CUX1: variants seen among roughly 807,000 people sequenced by gnomAD.
The protein encoded by CUX1 is cut like homeobox 1.
In CUX1, 31 loss-of-function variants were observed where a neutral mutation model predicts 158.8. The observed-to-expected ratio is 0.20, with a 90% CI of 0.15 to 0.26. The LOEUF is 0.26. Ranked by LOEUF, CUX1 falls within the 10% of genes least tolerant of loss-of-function variation. The probability of loss-of-function intolerance (pLI) is 1.00; values close to 1 mark genes in which losing one functional copy is unlikely to be tolerated. For missense variants in CUX1, 1,589 were observed against 2,014.6 expected, an observed-to-expected ratio of 0.79 and a Z score of 4.04; for synonymous variants, 879 against 862.1, an observed-to-expected ratio of 1.02 and a Z score of -0.34.
chr7:101,949,248 C>T (rs1436682695), intron 2 of CUX1, among the ~76,000 whole-genome samples: 7 of 151,960 alleles, frequency 4.6e-5, no homozygotes, highest in African/African-American at 1.7e-4. Flanking sequence ...TCTCCTGCCT[C>T]AGCCTCCCGA....
At chr7:102,012,633 T>A (rs921814784) in intron 2 of CUX1, among the ~76,000 whole-genome samples, 2 of 151,006 alleles carry the variant, frequency 1.3e-5, no homozygotes, top group African/African-American at 4.9e-5. Context: ...CCCAGGGTCA[T>A]GAAGAGATGG....
chr7:102,175,053 G>A (rs571061445), intron 10 of CUX1, among the ~76,000 whole-genome samples: 2 of 152,376 alleles, frequency 1.3e-5, no homozygotes, highest in African/African-American at 4.8e-5. Flanking sequence ...TTTAGTTCGT[G>A]CGAGACAGCG....
chr7:102,139,947 G>A (rs1362628427), intron 8 of CUX1, among the ~76,000 whole-genome samples: 1 of 152,052 alleles, frequency 6.6e-6, no homozygotes, highest in Non-Finnish European at 1.5e-5. Flanking sequence ...GGAATGACAG[G>A]TCTAAGCCAC....
At chr7:102,216,113 G>A (rs1554524463) in intron 20 of CUX1, among the ~76,000 whole-genome samples, 1 of 152,182 alleles carries the variant, frequency 6.6e-6, no homozygotes, top group Non-Finnish European at 1.5e-5. Context: ...AGACCAGCCT[G>A]GACAACATGG....
At chr7:101,903,383 G>A (rs1584933278) in intron 1 of CUX1, among the ~76,000 whole-genome samples, 1 of 152,308 alleles carries the variant, frequency 6.6e-6, no homozygotes, top group East Asian at 1.9e-4. Context: ...GGGGGAATTA[G>A]GGTCCTTTGG....
intron 14 of CUX1, among the ~76,000 whole-genome samples, chr7:102,271,459 G>A (rs1267377561): frequency 6.6e-6 from 1 of 152,144 alleles, no homozygotes; most frequent in African/African-American, 2.4e-5. Context: ...ATGTGTGGCC[G>A]GCTCTGCCAT....
chr7:101,997,982 G>A (rs1263926128), intron 2 of CUX1, among the ~76,000 whole-genome samples: 2 of 152,196 alleles, frequency 1.3e-5, no homozygotes, highest in African/African-American at 2.4e-5. Flanking sequence ...ACCAGAGAAC[G>A]AACTCCCCAA....
intron 3 of CUX1, among the ~76,000 whole-genome samples, chr7:102,052,639 GTCTT>G (rs1462814492): frequency 6.6e-6 from 1 of 152,096 alleles, no homozygotes; most frequent in African/African-American, 2.4e-5. Context: ...AAACACTTTT[GTCTT>G]TCTTGCCTAC....
chr7:102,254,404 CA>C lies in CUX1; in HGVS notation c.*5365del. On this transcript the variant is annotated 3_prime_UTR_variant, in exon 24 of 24. Coordinates refer to ENST00000292535, the MANE Select transcript of CUX1 (RefSeq NM_181552.4). ...ACTCCTTTGCAAACATCAAACATCT[CA>C]AAGACGGAAAAGGATAGATGGCTTC... is the stretch of plus-strand genomic sequence containing the variant. 1.0e-6 allele frequency: 1 copy of C among 985,494 alleles called. No homozygotes were observed. Among genetic ancestry groups the C allele is most frequent in the Non-Finnish European group, 1.2e-6 (1 of 829,988 alleles). The allele number at this position is 985,494 out of a possible 1,614,324, so 61.0% of individuals were successfully genotyped here. A position where few individuals can be genotyped will look rare whatever the true frequency, so the allele number is the denominator to read the frequency against.
intron 14 of CUX1, among the ~76,000 whole-genome samples, chr7:102,270,072 T>C (rs1791103998): frequency 6.6e-6 from 1 of 152,212 alleles, no homozygotes. Flanking sequence ...TCCTTCTGTG[T>C]CCTCGCCCCA....
At chr7:101,932,129 T>G (rs554731178) in intron 2 of CUX1, among the ~76,000 whole-genome samples, 1 of 152,384 alleles carries the variant, frequency 6.6e-6, no homozygotes, top group African/African-American at 2.4e-5. Flanking sequence ...AACCTCACTC[T>G]GTTATCATAG....
At chr7:101,887,069 A>G (rs151009865) in intron 1 of CUX1, among the ~76,000 whole-genome samples, 26 of 152,130 alleles carry the variant, frequency 1.7e-4, no homozygotes, top group Non-Finnish European at 2.8e-4. Context: ...TGTTCTGACG[A>G]AGGAGGTCAG....
At chr7:102,007,811 C>A (rs1409322275) in intron 2 of CUX1, among the ~76,000 whole-genome samples, 1 of 151,566 alleles carries the variant, frequency 6.6e-6, no homozygotes, top group Non-Finnish European at 1.5e-5. Flanking sequence ...GTGGTGCGAT[C>A]TCGGCTCACT....
chr7:102,232,636 T>G (rs1799129935), intron 21 of CUX1, among the ~76,000 whole-genome samples: 1 of 152,170 alleles, frequency 6.6e-6, no homozygotes, highest in Non-Finnish European at 1.5e-5. Context: ...CTGATCCTAA[T>G]TTGTATCTTT....
chr7:102,056,309 G>T (rs141588580), intron 3 of CUX1, among the ~76,000 whole-genome samples: 558 of 152,268 alleles, frequency 3.7e-3, no homozygotes, highest in Non-Finnish European at 6.7e-3. Context: ...ACTTGCATAG[G>T]TAAAGAGAAG....
intron 14 of CUX1, among the ~76,000 whole-genome samples, chr7:102,269,111 T>G (rs1160958074): frequency 1.0e-5 from 1 of 96,968 alleles, no homozygotes; most frequent in Admixed American, 1.2e-4. Flanking sequence ...ATTTTTTGTG[T>G]GGGTTTTTTT....
At chr7:101,911,046 T>C (rs928657484) in intron 1 of CUX1, among the ~76,000 whole-genome samples, 1 of 152,250 alleles carries the variant, frequency 6.6e-6, no homozygotes, top group African/African-American at 2.4e-5. Flanking sequence ...GCACCCCAGC[T>C]GTACACCAGC....
intron 20 of CUX1, among the ~76,000 whole-genome samples, chr7:102,226,863 T>G (rs1554528707): frequency 6.6e-6 from 1 of 152,208 alleles, no homozygotes; most frequent in Non-Finnish European, 1.5e-5. Flanking sequence ...ACTCCTGACC[T>G]TAGATGATCC....
In CUX1 at chr7:102,257,014, G is replaced by A. The variant is rs3087658; in HGVS notation, c.*7972G>A. The A allele has an allele frequency of 0.29, 290,298 of 985,234 alleles. 43,974 individuals carry two copies. Among genetic ancestry groups the A allele is most frequent in the Non-Finnish European group, 0.31 (258,984 of 829,872 alleles). The allele number at this position is 985,234 out of a possible 1,614,324, so 61.0% of individuals were successfully genotyped here. A position where few individuals can be genotyped will look rare whatever the true frequency, so the allele number is the denominator to read the frequency against. On this transcript the variant is annotated 3_prime_UTR_variant, in exon 24 of 24. Transcript: ENST00000292535. ...CCCCTATAGGTGGTTCAACGTGGAG[G>A]AAGGTTGGGTGTGGAGATTGCTTGC...
Sources: allele counts gnomAD v4.1 joint callset (sites outside exome capture counted in the v4.1 genomes callset), GRCh38; gene constraint gnomAD v4.1.1; transcripts MANE v1.5; gene names NCBI Gene and HGNC (gene_info 2026-07-23, HGNC 2026-07-21).